ZNF385D: variants seen among roughly 807,000 people sequenced by gnomAD.
The protein encoded by ZNF385D is zinc finger protein 385D, also known as zinc finger protein 659.
Under a neutral mutation model 35.8 loss-of-function variants are expected in ZNF385D, and 15 were observed. That is an observed-to-expected ratio of 0.42 (90% CI 0.28 to 0.64). ZNF385D has a LOEUF of 0.64. ZNF385D is among the 30% of genes least tolerant of loss of function. The pLI is 0.23. For missense variants in ZNF385D, 474 were observed against 494.6 expected, an observed-to-expected ratio of 0.96 and a Z score of 0.39; for synonymous variants, 212 against 186.8, an observed-to-expected ratio of 1.13 and a Z score of -1.10.
chr3:21,481,527 A>G (rs1055593767), intron 4 of ZNF385D, among the ~76,000 whole-genome samples: 1 of 152,064 alleles, frequency 6.6e-6, no homozygotes, highest in African/African-American at 2.4e-5. Context: ...CTACCTTCAG[A>G]TAGCTTGTTT....
intron 3 of ZNF385D, among the ~76,000 whole-genome samples, chr3:21,879,972 T>G (rs1698192128): frequency 6.6e-6 from 1 of 152,012 alleles, no homozygotes; most frequent in African/African-American, 2.4e-5. Context: ...AATTAGAGTC[T>G]GGCCACAATT....
chr3:22,113,304 G>A (rs1702636138), intron 3 of ZNF385D, among the ~76,000 whole-genome samples: 1 of 152,006 alleles, frequency 6.6e-6, no homozygotes, highest in Non-Finnish European at 1.5e-5. Context: ...AGGTAATGCT[G>A]AAACACCAAG....
At chr3:21,735,479 C>T (rs1424091143) in intron 1 of ZNF385D, among the ~76,000 whole-genome samples, 1 of 152,082 alleles carries the variant, frequency 6.6e-6, no homozygotes, top group Non-Finnish European at 1.5e-5. Context: ...GACATCCTTA[C>T]ATATAAAGAT....
chr3:22,216,195 A>T (rs1452815675), intron 2 of ZNF385D, among the ~76,000 whole-genome samples: 1 of 151,936 alleles, frequency 6.6e-6, no homozygotes, highest in African/African-American at 2.4e-5. Context: ...TCCTTGCCAG[A>T]ATATTTTTTC....
intron 3 of ZNF385D, among the ~76,000 whole-genome samples, chr3:21,554,966 A>G (rs975354851): frequency 1.3e-5 from 2 of 152,186 alleles, no homozygotes; most frequent in Non-Finnish European, 2.9e-5. Flanking sequence ...CACTTTCTCC[A>G]TATCAAACAT....
intron 2 of ZNF385D, among the ~76,000 whole-genome samples, chr3:22,180,991 T>A (rs1695231259): frequency 6.7e-6 from 1 of 150,214 alleles, no homozygotes; most frequent in South Asian, 2.1e-4. Flanking sequence ...AGGTTTTCTT[T>A]CTTTTCTCAT....
At chr3:21,597,446 A>G (rs1012139388) in intron 2 of ZNF385D, among the ~76,000 whole-genome samples, 6 of 152,352 alleles carry the variant, frequency 3.9e-5, no homozygotes, top group Admixed American at 2.6e-4. Flanking sequence ...ATGAATGGAC[A>G]CCCAGTATTG....
intron 2 of ZNF385D, among the ~76,000 whole-genome samples, chr3:21,566,503 G>C (rs1237120286): frequency 6.6e-6 from 1 of 152,036 alleles, no homozygotes; most frequent in Non-Finnish European, 1.5e-5. Flanking sequence ...GGTGGCAGGT[G>C]CTTGTAATCC....
chr3:21,960,156 G>T (rs1002137735), intron 3 of ZNF385D, among the ~76,000 whole-genome samples: 1 of 148,344 alleles, frequency 6.7e-6, no homozygotes, highest in Non-Finnish European at 1.5e-5. Flanking sequence ...CATCCAACAA[G>T]AGACTAATAT....
At chr3:21,845,077 T>C (rs1695919821) in intron 3 of ZNF385D, among the ~76,000 whole-genome samples, 1 of 151,966 alleles carries the variant, frequency 6.6e-6, no homozygotes, top group Admixed American at 6.6e-5. Flanking sequence ...AAAGTTGCTT[T>C]GCGACATTTT....
At chr3:22,094,042 G>A (rs1361784407) in intron 3 of ZNF385D, among the ~76,000 whole-genome samples, 1 of 152,080 alleles carries the variant, frequency 6.6e-6, no homozygotes, top group South Asian at 2.1e-4. Context: ...TAATAAGTGG[G>A]TTGACTGGAT....
intron 2 of ZNF385D, among the ~76,000 whole-genome samples, chr3:21,620,491 A>G (rs1217633130): frequency 2.0e-5 from 3 of 152,100 alleles, no homozygotes. Context: ...TTATACCAAC[A>G]AGCCAATGAT....
chr3:21,523,336 C>T (rs1708034322), intron 3 of ZNF385D, among the ~76,000 whole-genome samples: 2 of 152,204 alleles, frequency 1.3e-5, no homozygotes, highest in African/African-American at 4.8e-5. Context: ...AGCCCCACTT[C>T]TCAACCCAAA....
intron 2 of ZNF385D, among the ~76,000 whole-genome samples, chr3:22,278,098 C>A (rs1701525362): frequency 6.6e-6 from 1 of 152,074 alleles, no homozygotes; most frequent in African/African-American, 2.4e-5. Context: ...TTCTACACTG[C>A]ATCACTTGCT....
chr3:22,068,796 G>T (rs566318426), intron 3 of ZNF385D, among the ~76,000 whole-genome samples: 2 of 152,086 alleles, frequency 1.3e-5, no homozygotes, highest in Non-Finnish European at 2.9e-5. Flanking sequence ...CATTAATATT[G>T]GCATATGCAC....
intron 2 of ZNF385D, among the ~76,000 whole-genome samples, chr3:21,662,792 T>G (rs556148918): frequency 6.6e-5 from 10 of 152,220 alleles, no homozygotes; most frequent in African/African-American, 2.4e-4. Context: ...AAGAATCAAG[T>G]CAAACTTTTG....
At chr3:21,573,329 G>A (rs925100167) in intron 2 of ZNF385D, among the ~76,000 whole-genome samples, 4 of 152,140 alleles carry the variant, frequency 2.6e-5, no homozygotes, top group Non-Finnish European at 5.9e-5. Context: ...AAATGTACTG[G>A]TTAAAGTGAA....
chr3:21,819,782 A>AT (rs1553676295), intron 3 of ZNF385D, among the ~76,000 whole-genome samples: 2 of 144,940 alleles, frequency 1.4e-5, no homozygotes, highest in Non-Finnish European at 3.0e-5. Flanking sequence ...AATACACATA[A>AT]ATATAATATA....
chr3:22,282,012 A>G (rs1701771660), intron 2 of ZNF385D, among the ~76,000 whole-genome samples: 1 of 151,936 alleles, frequency 6.6e-6, no homozygotes, highest in South Asian at 2.1e-4. Context: ...CACTTCCTCT[A>G]AGTTTTCTAG....
Sources: allele counts gnomAD v4.1 joint callset (sites outside exome capture counted in the v4.1 genomes callset), GRCh38; gene constraint gnomAD v4.1.1; transcripts MANE v1.5; gene names NCBI Gene and HGNC (gene_info 2026-07-23, HGNC 2026-07-21).